The following FSIP2 variants were observed in gnomAD, a reference collection of about 807,000 sequenced individuals.
The protein encoded by FSIP2 is fibrous sheath interacting protein 2, also known as fibrous sheath-interacting protein 2.
A neutral mutation model predicts 510.5 loss-of-function variants in FSIP2; 367 were observed. The observed-to-expected ratio is 0.72, with a 90% CI of 0.66 to 0.78. FSIP2 has a LOEUF of 0.78. Ranked by LOEUF, FSIP2 falls within the 30% of genes least tolerant of loss-of-function variation. FSIP2 has a pLI of 0.00. For missense variants in FSIP2, 7,594 were observed against 7,901.7 expected (o/e 0.96, Z 1.48); for synonymous variants, 2,601 against 2,732.2 (o/e 0.95, Z 1.50).
rs1465681278 is a variant in FSIP2 at position 185,739,472 on chromosome 2, G to A, written c.225+1G>A. The A allele has an allele frequency of 6.7e-7, 1 of 1,495,596 alleles. No homozygotes were observed. The highest frequency in any genetic ancestry group is 1.3e-5 in the South Asian group (1 of 79,282). The allele number at this position is 1,495,596 out of a possible 1,614,324, so 92.6% of individuals were successfully genotyped here. Reference sequence around the variant, plus strand: ...CTATACTACGAATTTCGGTGAAAAGGTGAACAAGTTTTTATCGTCTTTCTT... The same window carrying A: ...CTATACTACGAATTTCGGTGAAAAGATGAACAAGTTTTTATCGTCTTTCTT... On this transcript the variant is annotated splice_donor_variant, in intron 2 of 22. Coordinates refer to ENST00000424728, the MANE Select transcript of FSIP2 (RefSeq NM_173651.4). LOFTEE classifies it high-confidence loss of function.
rs772708013 is a variant in FSIP2 at position 185,808,426 on chromosome 2, T to A, written c.19120T>A (p.Ser6374Thr). 1.9e-6 allele frequency: 3 copies of A among 1,606,492 alleles called. No individual in the cohort carries two copies. Among genetic ancestry groups the A allele is most frequent in the Non-Finnish European group, 2.5e-6 (3 of 1,177,912 alleles). The change falls in exon 17 of 23, where the codon TCA (serine) becomes ACA (threonine). Residue 6374 changes from serine (S) to threonine (T), a missense_variant. Physicochemically the swap from Ser to Thr is moderately conservative, Grantham distance 58. Coordinates refer to ENST00000424728, the MANE Select transcript of FSIP2 (RefSeq NM_173651.4). ...CTCAAGCAAAGATGAAAAAAACTTA[T>A]CAAAGACTGAGTTAAATAAAATTGC... ...SSSSKDEKNL[S>T]KTELNKIASQ...
At chr2:185,814,082 G>A (rs759324035) in intron 18 of FSIP2, 40 bp downstream of exon 18, 1 of 1,557,030 alleles carries the variant, frequency 6.4e-7, no homozygotes, top group South Asian at 1.2e-5. Context: ...AGAAAGGGGA[G>A]ACATCTTCAC....
intron 17 of FSIP2, among the ~76,000 whole-genome samples, chr2:185,810,594 C>A (rs2193824): frequency 1.4e-5 from 2 of 141,588 alleles, no homozygotes; most frequent in African/African-American, 5.3e-5. Context: ...AATTTCTTTA[C>A]AGCAGTGGAA....
chr2:185,760,973 C>G lies in FSIP2; in HGVS notation c.1079-15C>G. 1 of 1,073,274 alleles carries G rather than the reference C, an allele frequency of 9.3e-7. No homozygotes were observed. The highest frequency in any genetic ancestry group is 1.6e-5 in the South Asian group (1 of 61,748). The allele number at this position is 1,073,274 out of a possible 1,614,324, so 66.5% of individuals were successfully genotyped here. On this transcript the variant is annotated splice_polypyrimidine_tract_variant and intron_variant, in intron 9 of 22. Coordinates refer to ENST00000424728, the MANE Select transcript of FSIP2 (RefSeq NM_173651.4). Reference sequence around the variant, plus strand: ...AAAAAAAAAACTATAGAGTTTCTCTCTCGTTTTCTTTTAGGACATACAGCA... The same window carrying G: ...AAAAAAAAAACTATAGAGTTTCTCTGTCGTTTTCTTTTAGGACATACAGCA...
At position 185,794,581 on chromosome 2, in the gene FSIP2, A is replaced by G. The variant is rs1559028754; in HGVS notation, c.7445A>G (p.Glu2482Gly). ...GAATCAAAAAACAAAGAAAAAGGTG[A>G]ACTGCTCATTGCAGTGGAAGAACTT... Reference protein sequence around the residue: ...NGESKNKEKGELLIAVEELLN... With the variant: ...NGESKNKEKGGLLIAVEELLN... The change falls in exon 16 of 23, where the codon GAA becomes GGA. Residue 2482 changes from glutamate (E) to glycine (G), a missense_variant. Physicochemically the swap from Glu to Gly is moderately conservative, Grantham distance 98. Transcript: ENST00000424728. The G allele has an allele frequency of 6.5e-7, 1 of 1,532,078 alleles. No individual in the cohort carries two copies. The highest frequency in any genetic ancestry group is 1.2e-5 in the South Asian group (1 of 83,304). 94.9% of individuals were successfully genotyped at this position (1,532,078 alleles called of 1,614,324 possible).
In FSIP2 at chr2:185,796,956, C is replaced by A; in HGVS notation, c.9820C>A (p.Leu3274Ile). 1.3e-6 allele frequency: 2 copies of A among 1,534,902 alleles called. No homozygotes were observed. Among genetic ancestry groups the A allele is most frequent in the Non-Finnish European group, 1.7e-6 (2 of 1,146,228 alleles). Residue 3274 changes from leucine (L) to isoleucine (I), a missense_variant, in exon 16 of 23, where the codon CTT becomes ATT. Physicochemically the swap from Leu to Ile is conservative, Grantham distance 5 (BLOSUM62 2). Coordinates refer to ENST00000424728, the MANE Select transcript of FSIP2 (RefSeq NM_173651.4). ...TGAAGGCAGTTTCTTACAAAAGCTG[C>A]TTAGGAAAGCAAGTGACTCCACAGA... ...LPEGSFLQKLLRKASDSTEAA... is the reference protein window; with the variant it reads ...LPEGSFLQKLIRKASDSTEAA...
chr2:185,765,999 C>G (rs1322775881), intron 13 of FSIP2: 2 of 150,874 alleles, frequency 1.3e-5, no homozygotes, highest in Non-Finnish European at 3.0e-5. Context: ...GATTTTGTAT[C>G]CTGAGACTTT....
rs754388358 is a variant in FSIP2 at position 185,807,655 on chromosome 2, A to C, written c.18349A>C (p.Ile6117Leu). 38 of 1,612,908 alleles carry C rather than the reference A, an allele frequency of 2.4e-5. No homozygotes were observed. Among genetic ancestry groups the C allele is most frequent in the Non-Finnish European group, 3.1e-5 (37 of 1,179,336 alleles). Reference sequence around the variant, plus strand: ...TGGATGCAAAATCCTTTCAGAAAACATAGTTGACTTGGTTCTACGAGAAGT... The same window carrying C: ...TGGATGCAAAATCCTTTCAGAAAACCTAGTTGACTTGGTTCTACGAGAAGT... ...TSGCKILSEN[I>L]VDLVLREVAS... is the part of the protein sequence containing the mutation. The change falls in exon 17 of 23, where the codon ATA (isoleucine) becomes CTA (leucine). Residue 6117 changes from isoleucine to leucine, a missense_variant. Ile to Leu is a conservative substitution (Grantham distance 5). Coordinates refer to ENST00000424728, the MANE Select transcript of FSIP2 (RefSeq NM_173651.4).
chr2:185,792,911 A>T lies in FSIP2; in HGVS notation c.5775A>T (p.Leu1925Phe), dbSNP rs1693172607. 1 of 1,533,884 alleles carries T rather than the reference A, an allele frequency of 6.5e-7. No individual in the cohort carries two copies. The highest frequency in any genetic ancestry group is 1.4e-5 in the African/African-American group (1 of 72,890). Residue 1925 changes from leucine to phenylalanine, a missense_variant, in exon 16 of 23, where the codon TTA (leucine) becomes TTT (phenylalanine). Coordinates refer to ENST00000424728, the MANE Select transcript of FSIP2 (RefSeq NM_173651.4). ...CTGAAGATATTGTACAGGCAATATT[A>T]ACAAATTTAGAAACTTTTGCTACTT... ...NLAEDIVQAI[L>F]TNLETFATSK...
At chr2:185,739,171 C>T (rs1691868110) in intron 1 of FSIP2, 175 bp from the exon 2 acceptor site, 2 of 1,138,312 alleles carry the variant, frequency 1.8e-6, no homozygotes, top group Non-Finnish European at 2.4e-6. Context: ...CCGCAACTGG[C>T]AGGCGCGGGA....
chr2:185,755,281 T>C lies in FSIP2; in HGVS notation c.992-911T>C, dbSNP rs1378315703. On this transcript the variant is annotated intron_variant, in intron 8 of 22. Coordinates refer to ENST00000424728, the MANE Select transcript of FSIP2 (RefSeq NM_173651.4). ...TCAATAGAACACCATGCAAAGCATA[T>C]ACACTAAGTACACGTTTGCTAAATT... 6.6e-5 allele frequency among the ~76,000 whole-genome samples: 10 copies of C among 151,584 alleles called. No homozygotes were observed. The East Asian group carries it at 1.9e-3, about 29-fold the overall frequency.
At chr2:185,746,870 A>G (rs1692044906) in intron 6 of FSIP2, 60 bp downstream of exon 6, 2 of 1,221,422 alleles carry the variant, frequency 1.6e-6, no homozygotes, top group Non-Finnish European at 2.2e-6. Context: ...TTGCATTTGT[A>G]AATAATTTTA....
At chr2:185,747,966 GT>G (rs968517199) in intron 7 of FSIP2, among the ~76,000 whole-genome samples, 21 of 151,352 alleles carry the variant, frequency 1.4e-4, no homozygotes, top group Non-Finnish European at 2.7e-4. Flanking sequence ...TCTGTAGGCT[GT>G]TTTTTTCATG....
In FSIP2 at chr2:185,804,242, T is replaced by A. The variant is rs533213989; in HGVS notation, c.14936T>A (p.Leu4979Gln). 1.6e-5 allele frequency: 25 copies of A among 1,528,632 alleles called. No homozygotes were observed. The highest frequency in any genetic ancestry group is 1.2e-4 in the Admixed American group (6 of 50,072). 94.7% of individuals were successfully genotyped at this position (1,528,632 alleles called of 1,614,324 possible). Residue 4979 changes from leucine to glutamine, a missense_variant, in exon 17 of 23, where the codon CTG becomes CAG. Physicochemically the swap from Leu to Gln is moderately radical, Grantham distance 113. Coordinates refer to ENST00000424728, the MANE Select transcript of FSIP2 (RefSeq NM_173651.4). ...ACTGAAAATCCAGATAGAGTGAAAC[T>A]GAAACTTACCAGGATTGTTACAACA... The part of the protein sequence containing the change: ...LVTENPDRVK[L>Q]KLTRIVTTLV...
In FSIP2 at chr2:185,794,592, G is replaced by A; in HGVS notation, c.7456G>A (p.Ala2486Thr). Residue 2486 changes from alanine to threonine, a missense_variant, in exon 16 of 23, where the codon GCA becomes ACA. Physicochemically the swap from Ala to Thr is moderately conservative, Grantham distance 58 (BLOSUM62 0). Transcript: ENST00000424728. ...KNKEKGELLI[A>T]VEELLNKLYQ... ...CAAAGAAAAAGGTGAACTGCTCATTGCAGTGGAAGAACTTTTGAATAAGTT... is the reference window on the plus strand; with the variant it reads ...CAAAGAAAAAGGTGAACTGCTCATTACAGTGGAAGAACTTTTGAATAAGTT... The A allele has an allele frequency of 1.3e-6, 2 of 1,532,206 alleles. No individual in the cohort carries two copies. Among genetic ancestry groups the A allele is most frequent in the East Asian group, 4.9e-5 (2 of 40,800 alleles). The allele number at this position is 1,532,206 out of a possible 1,614,324, so 94.9% of individuals were successfully genotyped here.
chr2:185,832,920 G>C (rs558341158), intron 22 of FSIP2, among the ~76,000 whole-genome samples, 170 bp from the exon 23 acceptor site: 21 of 151,896 alleles, frequency 1.4e-4, no homozygotes, highest in Non-Finnish European at 2.5e-4. Flanking sequence ...CTTTGTATAC[G>C]TGACTAAAGA....
At position 185,805,930 on chromosome 2, in the gene FSIP2, A is replaced by G. The variant is rs376721232; in HGVS notation, c.16624A>G (p.Thr5542Ala). 1.3e-5 allele frequency: 21 copies of G among 1,591,282 alleles called. No homozygotes were observed. In the East Asian group the frequency reaches 2.9e-4, roughly 22 times the overall value. ...HSENVSKVTS[T>A]TTVKSKDTQE... ...TGAGAATGTATCAAAAGTTACTTCA[A>G]CTACCACTGTGAAAAGTAAAGATAC... The change falls in exon 17 of 23, where the codon ACT (threonine) becomes GCT (alanine). Residue 5542 changes from threonine (T) to alanine (A), a missense_variant. Coordinates refer to ENST00000424728, the MANE Select transcript of FSIP2 (RefSeq NM_173651.4).
rs748712886 is a variant in FSIP2, at chr2:185,800,810, C to T, written c.11504C>T (p.Thr3835Ile). 2.0e-6 allele frequency: 3 copies of T among 1,534,296 alleles called. No individual in the cohort carries two copies. In the South Asian group the frequency reaches 3.6e-5, roughly 18 times the overall value. ...NVAEIDQDLL[T>I]SDSMLTIISH... is the part of the protein sequence containing the mutation. ...GCAGAAATTGATCAAGACTTATTGA[C>T]ATCAGACTCTATGCTTACTATTATT... The change falls in exon 17 of 23, where the codon ACA becomes ATA. Residue 3835 changes from threonine to isoleucine, a missense_variant. Thr to Ile is a moderately conservative substitution (Grantham distance 89). Coordinates refer to ENST00000424728, the MANE Select transcript of FSIP2 (RefSeq NM_173651.4).
At chr2:185,770,812 G>A (rs1248353208) in intron 13 of FSIP2, among the ~76,000 whole-genome samples, 2 of 152,072 alleles carry the variant, frequency 1.3e-5, no homozygotes, top group Non-Finnish European at 2.9e-5. Context: ...AATTTAATTT[G>A]AGACTTAATG....
Sources: gnomAD v4.1 joint callset for allele counts (sites outside exome capture counted in the v4.1 genomes callset) on GRCh38, gnomAD v4.1.1 for gene constraint, MANE v1.5 for transcripts, NCBI Gene and HGNC (gene_info 2026-07-23, HGNC 2026-07-21) for gene names.